Variants in DENND2B observed in about 807,000 individuals in gnomAD.
DENND2B encodes the protein DENN domain containing 2B.
Under a neutral mutation model 116.0 loss-of-function variants are expected in DENND2B, and 32 were observed. That is an observed-to-expected ratio of 0.28 (90% CI 0.21 to 0.37). The LOEUF (loss-of-function observed/expected upper bound fraction) is 0.37, where lower values mean the gene tolerates loss of function less well. Ranked by LOEUF, DENND2B falls within the 10% of genes least tolerant of loss-of-function variation. The pLI is 1.00. For synonymous variants in DENND2B, 588 were observed against 583.9 expected, an observed-to-expected ratio of 1.01 and a Z score of -0.10; for missense variants, 1,276 against 1,477.7, an observed-to-expected ratio of 0.86 and a Z score of 2.24.
intron 1 of DENND2B, among the ~76,000 whole-genome samples, chr11:8,760,884 T>G (rs901538887): frequency 5.3e-5 from 8 of 152,160 alleles, no homozygotes; most frequent in African/African-American, 1.4e-4. Context: ...CAGGCCCCCG[T>G]GAGGCTGAAA....
intron 1 of DENND2B, among the ~76,000 whole-genome samples, chr11:8,769,300 C>T (rs1005806205): frequency 3.3e-5 from 5 of 149,636 alleles, no homozygotes; most frequent in African/African-American, 9.9e-5. Context: ...TGCAGTGGTG[C>T]GATCTCAGCT....
chr11:8,884,655 C>T (rs1426254635), intron 1 of DENND2B, among the ~76,000 whole-genome samples: 1 of 152,152 alleles, frequency 6.6e-6, no homozygotes, highest in East Asian at 1.9e-4. Flanking sequence ...AGATAAGTCA[C>T]AGAATGGAGC....
At chr11:8,767,029 T>A (rs992436725) in intron 1 of DENND2B, among the ~76,000 whole-genome samples, 6 of 151,382 alleles carry the variant, frequency 4.0e-5, no homozygotes, top group Non-Finnish European at 8.9e-5. Context: ...ATGAAGATGA[T>A]CTCAGTCTGG....
intron 4 of DENND2B, among the ~76,000 whole-genome samples, chr11:8,836,413 CTTTTTTTT>C (rs67181023): frequency 2.2e-4 from 17 of 77,550 alleles, no homozygotes; most frequent in Non-Finnish European, 3.5e-4. Flanking sequence ...TTCTGTACTT[CTTTTTTTT>C]TTTTTTTTTT....
intron 2 of DENND2B, among the ~76,000 whole-genome samples, chr11:8,731,556 A>T (rs923204530): frequency 1.3e-5 from 2 of 152,328 alleles, no homozygotes; most frequent in East Asian, 3.9e-4. Flanking sequence ...CACATGCTTA[A>T]CAACCAGTTC....
chr11:8,804,562 TGAGAC>T (rs2060663260), intron 1 of DENND2B, among the ~76,000 whole-genome samples: 1 of 150,742 alleles, frequency 6.6e-6, no homozygotes, highest in Non-Finnish European at 1.5e-5. Context: ...TTTTTTTTTT[TGAGAC>T]GAAGTCTTGC....
chr11:8,787,267 A>T (rs1468323697), intron 1 of DENND2B: 1 of 152,206 alleles, frequency 6.6e-6, no homozygotes, highest in African/African-American at 2.4e-5. Context: ...TCTATGCTAT[A>T]AGGCAAGATT....
intron 1 of DENND2B, among the ~76,000 whole-genome samples, chr11:8,752,684 TGTACCA>T (rs1445556400): frequency 6.6e-6 from 1 of 152,190 alleles, no homozygotes. Flanking sequence ...TGTCTGTTCA[TGTACCA>T]TATATTCTTA....
At position 8,807,110 on chromosome 11, in the gene DENND2B, C is replaced by T. The variant is rs935506824; in HGVS notation, c.-26+3407G>A. ...GCCAAGCCAGGGCTCGGAAGGGCTG[C>T]TGCCAGGCCTCCTCCAGCCTCAACT... On this transcript the variant is annotated intron_variant, in intron 1 of 19. Coordinates refer to ENST00000313726, the MANE Select transcript of DENND2B (RefSeq NM_213618.2). 2.6e-5 allele frequency among the ~76,000 whole-genome samples: 4 copies of T among 152,198 alleles called. No homozygotes were observed. The East Asian group carries it at 5.8e-4, about 22-fold the overall frequency.
At chr11:8,725,154 T>C (rs1284580148) in intron 4 of DENND2B, among the ~76,000 whole-genome samples, 1 of 152,192 alleles carries the variant, frequency 6.6e-6, no homozygotes, top group African/African-American at 2.4e-5. Flanking sequence ...TCCCCCAAAA[T>C]TCCTATGTGG....
chr11:8,699,144 C>T, intron 15 of DENND2B, 69 bp downstream of exon 15: 1 of 1,518,350 alleles, frequency 6.6e-7, no homozygotes, highest in Non-Finnish European at 8.8e-7. Context: ...GCCGAGGGGC[C>T]ACAAGTAAGA....
At chr11:8,718,642 AG>A in intron 4 of DENND2B, 1 of 1,292,470 alleles carries the variant, frequency 7.7e-7, no homozygotes, top group Non-Finnish European at 9.8e-7. Flanking sequence ...GCTGTGACAC[AG>A]GGGAGGTGTG....
At position 8,730,929 on chromosome 11, in the gene DENND2B, C is replaced by T. The variant is rs375368483; in HGVS notation, c.361G>A (p.Ala121Thr). 9 of 1,614,086 alleles carry T rather than the reference C, an allele frequency of 5.6e-6. No homozygotes were observed. The highest frequency in any genetic ancestry group is 1.3e-5 in the African/African-American group (1 of 74,944). The change falls in exon 3 of 20, where the codon GCA becomes ACA. Residue 121 changes from alanine (A) to threonine (T), a missense_variant. This residue lies in a region of DENND2B where 856 missense variants were observed against 846.6 expected (regional missense o/e 1.01). Coordinates refer to ENST00000313726, the MANE Select transcript of DENND2B (RefSeq NM_213618.2). The surrounding 1 kb of genome is among the most constrained non-coding windows in gnomAD (Gnocchi z 4.1). ...GCGACCCCTGCTACATCCTGGGCTG[C>T]GCCTTGGACACTTTCCTTTTGGGCG... ...RDAQKESVQG[A>T]AQDVAGVAAC...
intron 2 of DENND2B, among the ~76,000 whole-genome samples, chr11:8,735,895 C>T (rs72858246): frequency 4.3e-4 from 65 of 152,346 alleles, no homozygotes; most frequent in Admixed American, 3.3e-3. Flanking sequence ...AGAGAGTGCT[C>T]ATTCCTGGGC....
intron 14 of DENND2B, among the ~76,000 whole-genome samples, chr11:8,701,128 A>C (rs892237598): frequency 2.0e-5 from 3 of 152,200 alleles, no homozygotes; most frequent in African/African-American, 7.2e-5. Flanking sequence ...CTGGAAAGAA[A>C]GCCCCGGCTC....
chr11:8,788,128 G>C (rs147785436), intron 1 of DENND2B, among the ~76,000 whole-genome samples: 1 of 152,036 alleles, frequency 6.6e-6, no homozygotes, highest in African/African-American at 2.4e-5. Flanking sequence ...ACTCAGGGAC[G>C]GCCACCCCTT....
rs1053368235 is a variant in DENND2B at position 8,694,044 on chromosome 11, C to T, written c.*52G>A. 12 of 1,608,450 alleles carry T rather than the reference C, an allele frequency of 7.5e-6. No homozygotes were observed. The African/African-American group carries it at 1.2e-4, about 16-fold the overall frequency. Reference sequence around the variant, plus strand: ...CAGAGGGTCCCAGGCTGGGCCTTCTCCCCAGGCTTCAGGCTCTGCAAGGCA... The same window carrying T: ...CAGAGGGTCCCAGGCTGGGCCTTCTTCCCAGGCTTCAGGCTCTGCAAGGCA... On this transcript the variant is annotated 3_prime_UTR_variant, in exon 20 of 20. Transcript: ENST00000313726.
At chr11:8,773,442 T>C (rs1190732562) in intron 1 of DENND2B, among the ~76,000 whole-genome samples, 1 of 151,852 alleles carries the variant, frequency 6.6e-6, no homozygotes, top group East Asian at 1.9e-4. Flanking sequence ...ATATTAACAC[T>C]CCCCTGTCAT....
Position 8,881,525 on chromosome 11 carries a change from T to C in DENND2B, c.-255-416A>G, listed in dbSNP as rs1456737038. On this transcript the variant is annotated intron_variant, in intron 1 of 22. Transcript: ENST00000534127. ...CTATGATTTTTTAATTTCCAAATGC[T>C]CTGTCTTGTTCTTTTTGTTTGTTTG... 5.3e-5 allele frequency among the ~76,000 whole-genome samples: 8 copies of C among 152,274 alleles called. No homozygotes were observed. The East Asian group carries it at 1.5e-3, about 29-fold the overall frequency.
Sources: gnomAD v4.1 joint callset for allele counts (sites outside exome capture counted in the v4.1 genomes callset) on GRCh38, gnomAD v4.1.1 for gene constraint, gnomAD v4.1.1 regional missense constraint, Gnocchi (gnomAD v3.1) non-coding constraint, MANE v1.5 for transcripts, NCBI Gene and HGNC (gene_info 2026-07-23, HGNC 2026-07-21) for gene names.